The following PSD3 variants were observed in gnomAD, a reference collection of about 807,000 sequenced individuals.
The protein encoded by PSD3 is PH and SEC7 domain-containing protein 3.
Under a neutral mutation model 105.5 loss-of-function variants are expected in PSD3, and 49 were observed. The ratio of observed to expected loss-of-function variants is 0.46; its 90% CI spans 0.37 to 0.59. The LOEUF (loss-of-function observed/expected upper bound fraction) is 0.59, where lower values mean the gene tolerates loss of function less well. PSD3 is among the 20% of genes least tolerant of loss of function. PSD3 has a pLI of 0.00. For synonymous variants in PSD3, 557 were observed against 457.8 expected (o/e 1.22, Z -2.77); for missense variants, 1,561 against 1,263.8 (o/e 1.24, Z -3.57).
At chr8:18,781,132 T>A (rs77327209) in intron 8 of PSD3, among the ~76,000 whole-genome samples, 218 of 152,310 alleles carry the variant, frequency 1.4e-3, no homozygotes, top group African/African-American at 5.0e-3. Flanking sequence ...AGTAATTCCA[T>A]CCACCACGTT....
intron 10 of PSD3, among the ~76,000 whole-genome samples, chr8:18,635,531 T>TA (rs1329285957): frequency 6.6e-6 from 1 of 151,368 alleles, no homozygotes; most frequent in Non-Finnish European, 1.5e-5. Context: ...TTCTATTTAT[T>TA]AAAAAAAAAG....
At chr8:18,723,937 A>G (rs1330093964) in intron 9 of PSD3, among the ~76,000 whole-genome samples, 6 of 152,196 alleles carry the variant, frequency 3.9e-5, no homozygotes, top group African/African-American at 1.4e-4. Flanking sequence ...TCCATACACA[A>G]TGGAATACCT....
At position 19,072,535 on chromosome 8, in the gene PSD3, GTCTT is replaced by G. The variant is rs567875611; in HGVS notation, c.324+11667_324+11670del. Among the ~76,000 whole-genome samples the G allele has an allele frequency of 1.1e-4, 17 of 152,188 alleles. No homozygotes were observed. The South Asian group carries it at 2.9e-3, about 26-fold the overall frequency. On this transcript the variant is annotated intron_variant, in intron 1 of 1. Coordinates refer to the PSD3 transcript ENST00000521475. ...TGATTAGATGAAAATAATACATTTC[GTCTT>G]TCTATTTCAAGATGAGAGAGGTGGG...
intron 4 of PSD3, among the ~76,000 whole-genome samples, chr8:18,820,423 C>T (rs1334703724): frequency 1.3e-5 from 2 of 152,100 alleles, no homozygotes; most frequent in South Asian, 2.1e-4. Flanking sequence ...TAGAACACTC[C>T]CCTACAAAAT....
chr8:18,623,734 T>TA (rs1232758044), intron 11 of PSD3, among the ~76,000 whole-genome samples: 2 of 152,044 alleles, frequency 1.3e-5, no homozygotes, highest in Non-Finnish European at 2.9e-5. Flanking sequence ...CCGCCAAATG[T>TA]AAAAAATATA....
At chr8:18,711,930 C>A (rs149952710) in intron 9 of PSD3, among the ~76,000 whole-genome samples, 2 of 152,128 alleles carry the variant, frequency 1.3e-5, no homozygotes, top group Non-Finnish European at 2.9e-5. Flanking sequence ...AATAGTCTCT[C>A]GGACCACAGA....
intron 1 of PSD3, among the ~76,000 whole-genome samples, chr8:18,937,917 T>C (rs909910387): frequency 1.3e-5 from 2 of 151,940 alleles, no homozygotes; most frequent in Admixed American, 1.3e-4. Flanking sequence ...GGGAAGGCCA[T>C]ACGCATGGCC....
At chr8:18,752,138 C>T (rs1805545217) in intron 9 of PSD3, among the ~76,000 whole-genome samples, 1 of 151,530 alleles carries the variant, frequency 6.6e-6, no homozygotes, top group South Asian at 2.1e-4. Context: ...CAGTGAGCAA[C>T]CATCTGAATA....
chr8:18,648,754 T>G (rs1808246148), intron 10 of PSD3, among the ~76,000 whole-genome samples: 1 of 152,146 alleles, frequency 6.6e-6, no homozygotes, highest in African/African-American at 2.4e-5. Context: ...AGAAGAATGG[T>G]TTCATAGGCC....
At chr8:18,605,906 G>C (rs779436848) in intron 11 of PSD3, among the ~76,000 whole-genome samples, 7 of 152,106 alleles carry the variant, frequency 4.6e-5, no homozygotes, top group Non-Finnish European at 1.0e-4. Context: ...AGTTTCCTGA[G>C]GCCTTCCCAG....
intron 11 of PSD3, among the ~76,000 whole-genome samples, chr8:18,629,787 T>C (rs1423644033): frequency 6.6e-6 from 1 of 151,982 alleles, no homozygotes; most frequent in East Asian, 1.9e-4. Context: ...ATTGTGTTGA[T>C]GATTATATAA....
intron 8 of PSD3, among the ~76,000 whole-genome samples, chr8:18,771,357 T>C (rs945677887): frequency 2.6e-5 from 4 of 152,226 alleles, no homozygotes; most frequent in African/African-American, 9.6e-5. Context: ...CAAAAGGTTT[T>C]AATTAGGTGA....
chr8:18,965,188 T>C (rs983406967), intron 1 of PSD3, among the ~76,000 whole-genome samples: 9 of 152,200 alleles, frequency 5.9e-5, no homozygotes, highest in Non-Finnish European at 1.3e-4. Flanking sequence ...TATTTTAAAC[T>C]TTGCTGTTTT....
At chr8:18,944,064 C>A (rs1053637098) in intron 1 of PSD3, among the ~76,000 whole-genome samples, 5 of 152,172 alleles carry the variant, frequency 3.3e-5, no homozygotes, top group African/African-American at 1.2e-4. Context: ...ACATTATACT[C>A]CTTAACTTTC....
intron 9 of PSD3, among the ~76,000 whole-genome samples, chr8:18,759,092 ACTCTCTCTCT>A (rs748135836): frequency 7.0e-6 from 1 of 143,864 alleles, no homozygotes; most frequent in Non-Finnish European, 1.5e-5. Context: ...ACACACACAC[ACTCTCTCTCT>A]CTCTCTCTCT....
chr8:18,797,908 T>C (rs1039325064), intron 8 of PSD3, among the ~76,000 whole-genome samples: 5 of 152,150 alleles, frequency 3.3e-5, no homozygotes, highest in African/African-American at 1.2e-4. Context: ...CTGACTTGAT[T>C]CAATGTTATA....
intron 1 of PSD3, among the ~76,000 whole-genome samples, chr8:18,968,248 C>T (rs967758349): frequency 6.6e-6 from 1 of 152,296 alleles, no homozygotes. Context: ...ACTCAGAAAA[C>T]CTCCCTGCAA....
intron 9 of PSD3, among the ~76,000 whole-genome samples, chr8:18,657,527 G>A (rs533702329): frequency 3.7e-4 from 56 of 152,178 alleles, no homozygotes; most frequent in South Asian, 8.3e-4. Flanking sequence ...ATTAAAATAC[G>A]GAGTATACTG....
At chr8:18,841,236 T>G (rs1227764783) in intron 4 of PSD3, among the ~76,000 whole-genome samples, 2 of 152,106 alleles carry the variant, frequency 1.3e-5, no homozygotes, top group East Asian at 1.9e-4. Context: ...CTGGCTAGTG[T>G]GTATGCCAAT....
Sources: allele counts gnomAD v4.1 joint callset (sites outside exome capture counted in the v4.1 genomes callset), GRCh38; gene constraint gnomAD v4.1.1; transcripts MANE v1.5; gene names NCBI Gene and HGNC (gene_info 2026-07-23, HGNC 2026-07-21).